Variants in RBM20 observed in about 807,000 individuals in gnomAD.
RBM20 encodes RNA-binding protein 20.
In RBM20, 51 loss-of-function variants were observed where a neutral mutation model predicts 110.1. The ratio of observed to expected loss-of-function variants is 0.46; its 90% CI spans 0.37 to 0.59. The LOEUF is 0.59. RBM20 is among the 20% of genes least tolerant of loss of function. RBM20 has a pLI of 0.00. For missense variants in RBM20, 1,512 were observed against 1,574.9 expected (o/e 0.96, Z 0.68); for synonymous variants, 589 against 618.2 (o/e 0.95, Z 0.70).
In RBM20 at chr10:110,739,346, T is replaced by C. The variant is rs1267395268; in HGVS notation, c.192-41455T>C. Among the ~76,000 whole-genome samples the C allele has an allele frequency of 6.6e-6, 1 of 152,206 alleles. No homozygotes were observed. Among genetic ancestry groups the C allele is most frequent in the Non-Finnish European group, 1.5e-5 (1 of 68,038 alleles). On this transcript the variant is annotated intron_variant, in intron 1 of 13. Coordinates refer to ENST00000369519, the MANE Select transcript of RBM20 (RefSeq NM_001134363.3). The surrounding 1 kb of genome is among the most constrained non-coding windows in gnomAD (Gnocchi z 4.1). ...TCATTAGGTGCCCACTCTGGGTTAC[T>C]GTGTCTCGCACTGTCCTGGACACTA...
At chr10:110,772,013 C>T (rs1844200376) in intron 1 of RBM20, among the ~76,000 whole-genome samples, 1 of 152,096 alleles carries the variant, frequency 6.6e-6, no homozygotes, top group Admixed American at 6.5e-5. Context: ...GAGAGGTCAC[C>T]AGATCTTATG....
Position 110,725,844 on chromosome 10 carries a change from G to A in RBM20, c.192-54957G>A, listed in dbSNP as rs367685200. Among the ~76,000 whole-genome samples, 8 of 152,334 alleles carry A rather than the reference G, an allele frequency of 5.3e-5. No individual in the cohort carries two copies. In the South Asian group the frequency reaches 1.0e-3, roughly 20 times the overall value. The stretch of plus-strand genomic sequence containing the variant: ...ATAGGAAGCTGAGAGCATTGGTCAC[G>A]CCAGTTCTCTGAGACGGGAGGCAGG... On this transcript the variant is annotated intron_variant, in intron 1 of 13. Coordinates refer to ENST00000369519, the MANE Select transcript of RBM20 (RefSeq NM_001134363.3).
rs55998629 is a variant in RBM20, at chr10:110,792,141, GTCTATCTATCTATCTA to G, written c.1528-5333_1528-5318del. ...TCATTTTCTCTATCTTCCTCTATCT[GTCTATCTATCTATCTA>G]TCTATCTATCTATCTATCTATCTAT... On this transcript the variant is annotated intron_variant, in intron 5 of 13. Coordinates refer to ENST00000369519, the MANE Select transcript of RBM20 (RefSeq NM_001134363.3). 1.4e-3 allele frequency among the ~76,000 whole-genome samples: 201 copies of G among 147,724 alleles called. 2 individuals carry two copies. The highest frequency in any genetic ancestry group is 6.8e-3 in the Middle Eastern group (2 of 292).
chr10:110,803,740 G>A (rs1256369645), intron 7 of RBM20, among the ~76,000 whole-genome samples: 2 of 123,900 alleles, frequency 1.6e-5, no homozygotes, highest in Non-Finnish European at 3.2e-5. Context: ...TGGTCCCTAT[G>A]TTGATATGAA....
At chr10:110,693,790 G>C (rs1204583623) in intron 1 of RBM20, among the ~76,000 whole-genome samples, 1 of 152,068 alleles carries the variant, frequency 6.6e-6, no homozygotes, top group Non-Finnish European at 1.5e-5. Flanking sequence ...AGATTATCAG[G>C]CTATATAAAA....
chr10:110,720,611 C>A (rs958237913), intron 1 of RBM20, among the ~76,000 whole-genome samples: 6 of 152,086 alleles, frequency 3.9e-5, no homozygotes, highest in African/African-American at 1.4e-4. Flanking sequence ...GCCACATGGC[C>A]TCCCACTTGG....
upstream of RBM20, chr10:110,644,292 C>T (rs937579681): frequency 3.0e-5 from 14 of 469,752 alleles, no homozygotes; most frequent in South Asian, 5.3e-5. This position sits in a 1 kb window ranked among gnomAD's most constrained non-coding sequence, Gnocchi z 4.3. Context: ...GAGGAGGCGG[C>T]GCCGCCAGGA....
At chr10:110,732,153 A>G (rs1843626073) in intron 1 of RBM20, among the ~76,000 whole-genome samples, 1 of 151,874 alleles carries the variant, frequency 6.6e-6, no homozygotes, top group Non-Finnish European at 1.5e-5. Context: ...TATTTCTTAT[A>G]CATAGCATCC....
rs377139558 is a variant in RBM20, at chr10:110,781,164, C to T, written c.555C>T (p.Asn185=). 2 of 1,551,596 alleles carry T rather than the reference C, an allele frequency of 1.3e-6. No individual in the cohort carries two copies. The highest frequency in any genetic ancestry group is 2.7e-5 in the African/African-American group (2 of 73,060). Residue 185 remains asparagine (N), a synonymous_variant, in exon 2 of 14, where the codon AAC becomes AAT. Coordinates refer to ENST00000369519, the MANE Select transcript of RBM20 (RefSeq NM_001134363.3). ...CACGAGGCCCCGGACCCTCCATGAA[C>T]CTTCCCAACCAGCCACCCAGTGCCA... ...SQTRGPGPSM[N]LPNQPPSAMV...
chr10:110,707,285 G>A (rs985296303), intron 1 of RBM20, among the ~76,000 whole-genome samples: 2 of 152,126 alleles, frequency 1.3e-5, no homozygotes, highest in African/African-American at 4.8e-5. Flanking sequence ...GATATAAAAT[G>A]GAGCTTAAGA....
chr10:110,658,524 G>A (rs1384753841), intron 1 of RBM20, among the ~76,000 whole-genome samples: 4 of 152,058 alleles, frequency 2.6e-5, no homozygotes, highest in African/African-American at 9.7e-5. Context: ...TCCAAGTTGC[G>A]TGCCCTCCTC....
chr10:110,810,648 G>C (rs1026002943), intron 8 of RBM20, among the ~76,000 whole-genome samples, 186 bp downstream of exon 8: 1 of 152,170 alleles, frequency 6.6e-6, no homozygotes, highest in Non-Finnish European at 1.5e-5. Context: ...CAGACATGCT[G>C]CTCCGGTTAA....
Position 110,644,576 on chromosome 10 carries a change from T to C in RBM20, c.122T>C (p.Met41Thr). The C allele has an allele frequency of 1.3e-6, 2 of 1,526,004 alleles. No homozygotes were observed. The highest frequency in any genetic ancestry group is 2.6e-5 in the East Asian group (1 of 39,002). 94.5% of individuals were successfully genotyped at this position (1,526,004 alleles called of 1,614,324 possible). ...CCGGCACCCTCCGGCCCGCGAGGGA[T>C]GCAGCAGCCGCCGCCGCCGCCCCAG... ...ASPAPSGPRG[M>T]QQPPPPPQPP... Residue 41 changes from methionine to threonine, a missense_variant, in exon 1 of 14, where the codon ATG (methionine) becomes ACG (threonine). Transcript: ENST00000369519. This position sits in a 1 kb window ranked among gnomAD's most constrained non-coding sequence, Gnocchi z 4.3.
rs931774909 is a variant in RBM20 at position 110,676,315 on chromosome 10, C to T, written c.191+31670C>T. On this transcript the variant is annotated intron_variant, in intron 1 of 13. Coordinates refer to ENST00000369519, the MANE Select transcript of RBM20 (RefSeq NM_001134363.3). ...TCCTGACGGCGCTGACAGATAAGTGCCCTGCATCTCACAGAGAGAGAAAAA... is the reference window on the plus strand; with the variant it reads ...TCCTGACGGCGCTGACAGATAAGTGTCCTGCATCTCACAGAGAGAGAAAAA... 2.6e-5 allele frequency among the ~76,000 whole-genome samples: 4 copies of T among 152,156 alleles called. No individual in the cohort carries two copies. In the South Asian group the frequency reaches 6.2e-4, roughly 24 times the overall value.
At position 110,812,411 on chromosome 10, in the gene RBM20, G is replaced by A. The variant is rs730880182; in HGVS notation, c.2014G>A (p.Gly672Ser). The A allele has an allele frequency of 1.3e-4, 209 of 1,551,556 alleles. No homozygotes were observed. The highest frequency in any genetic ancestry group is 1.7e-4 in the Non-Finnish European group (194 of 1,147,008). Residue 672 changes from glycine (G) to serine (S), a missense_variant, in exon 9 of 14, where the codon GGC becomes AGC. Around this residue, in one of 3 missense-constraint regions of RBM20, gnomAD observed 1,149 missense variants for 1,169.4 expected, o/e 0.98. Coordinates refer to ENST00000369519, the MANE Select transcript of RBM20 (RefSeq NM_001134363.3). ...CCCCTCCCGGGCTGACTGGGGCAAT[G>A]GCCGGGACTCCTGGGAGCACTCTCC... ...PGPSRADWGN[G>S]RDSWEHSPYA...
chr10:110,763,275 G>GC (rs1346907727), intron 1 of RBM20, among the ~76,000 whole-genome samples: 1 of 151,790 alleles, frequency 6.6e-6, no homozygotes, highest in Admixed American at 6.6e-5. Context: ...CAGGAGGGAA[G>GC]CCCCCCTGAT....
intron 12 of RBM20, among the ~76,000 whole-genome samples, chr10:110,830,012 T>G (rs1845028957): frequency 6.6e-6 from 1 of 152,210 alleles, no homozygotes; most frequent in South Asian, 2.1e-4. Flanking sequence ...CACCCTGCCC[T>G]TTGGCTGGCG....
In RBM20 at chr10:110,821,196, G is replaced by A. The variant is rs372936930; in HGVS notation, c.2656-79G>A. ...GCTCAGATTCTTCCTGATTTGAGTGGTCCTTATGGCCAAGTCTTGTGCCTT... is the reference window on the plus strand; with the variant it reads ...GCTCAGATTCTTCCTGATTTGAGTGATCCTTATGGCCAAGTCTTGTGCCTT... On this transcript the variant is annotated intron_variant, in intron 10 of 13. Transcript: ENST00000369519. 6.7e-5 allele frequency: 81 copies of A among 1,208,498 alleles called. No homozygotes were observed. The African/African-American group carries it at 1.0e-3, about 16-fold the overall frequency. 74.9% of individuals were successfully genotyped at this position (1,208,498 alleles called of 1,614,324 possible).
At chr10:110,690,679 G>A (rs139990078) in intron 1 of RBM20, among the ~76,000 whole-genome samples, 4 of 152,244 alleles carry the variant, frequency 2.6e-5, no homozygotes, top group Admixed American at 6.5e-5. Context: ...ATTTAGCATC[G>A]TGTTTTCAAG....
Sources: gnomAD v4.1 joint callset for allele counts (sites outside exome capture counted in the v4.1 genomes callset) on GRCh38, gnomAD v4.1.1 for gene constraint, gnomAD v4.1.1 regional missense constraint, Gnocchi (gnomAD v3.1) non-coding constraint, MANE v1.5 for transcripts, NCBI Gene and HGNC (gene_info 2026-07-23, HGNC 2026-07-21) for gene names.